The following BTC variants were observed in gnomAD, a reference collection of about 807,000 sequenced individuals.
BTC encodes betacellulin.
In BTC, 13 loss-of-function variants were observed where a neutral mutation model predicts 18.1. The observed-to-expected ratio is 0.72, with a 90% CI of 0.47 to 1.14. The LOEUF (loss-of-function observed/expected upper bound fraction) is 1.14, where lower values mean the gene tolerates loss of function less well. Among genes scored for constraint, BTC ranks in the 50% most tolerant of loss-of-function variants. The pLI, the probability that BTC is intolerant of heterozygous loss-of-function variation, is 0.00. For missense variants in BTC, 247 were observed against 224.2 expected (o/e 1.10, Z -0.65); for synonymous variants, 83 against 79.4 (o/e 1.05, Z -0.24).
intron 2 of BTC, among the ~76,000 whole-genome samples, chr4:74,760,689 C>A (rs1191938126): frequency 6.6e-6 from 1 of 151,014 alleles, no homozygotes; most frequent in Non-Finnish European, 1.5e-5. Flanking sequence ...CTAGAATTTG[C>A]TTATGTAGGA....
chr4:74,770,846 T>A (rs569002880), intron 1 of BTC, among the ~76,000 whole-genome samples: 1 of 151,850 alleles, frequency 6.6e-6, no homozygotes, highest in Non-Finnish European at 1.5e-5. Context: ...ATTAAAAAAT[T>A]GTTATAGATA....
At chr4:74,788,039 G>A (rs966914806) in intron 1 of BTC, among the ~76,000 whole-genome samples, 3 of 152,178 alleles carry the variant, frequency 2.0e-5, no homozygotes, top group African/African-American at 4.8e-5. Context: ...AAATTCCCCA[G>A]ATAGGAAACC....
At position 74,746,803 on chromosome 4, in the gene BTC, G is replaced by A. The variant is rs868944017; in HGVS notation, c.*2-128C>T. On this transcript the variant is annotated intron_variant, in intron 5 of 5. Coordinates refer to ENST00000395743, the MANE Select transcript of BTC (RefSeq NM_001729.4). The stretch of plus-strand genomic sequence containing the variant: ...ATAATGTTGTTTTTGTAATAAGTTA[G>A]GAGCACATATAATTTCTCGTCAAGC... 5.3e-5 allele frequency: 8 copies of A among 152,184 alleles called. 1 individual carries two copies. The highest frequency in any genetic ancestry group is 1.9e-4 in the African/African-American group (8 of 41,432). The allele number at this position is 152,184 out of a possible 1,614,324, so 9.4% of individuals were successfully genotyped here. A position where few individuals can be genotyped will look rare whatever the true frequency, so the allele number is the denominator to read the frequency against.
intron 1 of BTC, among the ~76,000 whole-genome samples, chr4:74,771,119 G>C (rs1004654811): frequency 6.6e-6 from 1 of 151,886 alleles, no homozygotes; most frequent in African/African-American, 2.4e-5. Context: ...TGTCCTCTCT[G>C]GTTCGTATAT....
intron 2 of BTC, among the ~76,000 whole-genome samples, chr4:74,767,359 G>C (rs756444287): frequency 6.6e-5 from 10 of 151,790 alleles, no homozygotes; most frequent in African/African-American, 2.4e-4. Context: ...AATAAAACAC[G>C]TAGGAATAAA....
Position 74,772,808 on chromosome 4 carries a change from C to T in BTC, c.65-2652G>A, listed in dbSNP as rs139493641. On this transcript the variant is annotated intron_variant, in intron 1 of 5. Transcript: ENST00000395743. Reference sequence around the variant, plus strand: ...ATATACAATTTGCAGTCCAGTTGCACGCCTTCTCACTATCACTTATAATTT... The same window carrying T: ...ATATACAATTTGCAGTCCAGTTGCATGCCTTCTCACTATCACTTATAATTT... 2.0e-4 allele frequency among the ~76,000 whole-genome samples: 31 copies of T among 152,296 alleles called. No individual in the cohort carries two copies. In the East Asian group the frequency reaches 2.7e-3, roughly 13 times the overall value.
At chr4:74,756,048 A>G in intron 2 of BTC, 72 bp from the exon 3 acceptor site, 2 of 1,272,258 alleles carry the variant, frequency 1.6e-6, no homozygotes, top group Non-Finnish European at 2.3e-6. Context: ...TCATATTCTT[A>G]TCTTGCTGCC....
At chr4:74,787,846 A>AT (rs765874148) in intron 1 of BTC, among the ~76,000 whole-genome samples, 47 of 152,134 alleles carry the variant, frequency 3.1e-4, no homozygotes, top group Non-Finnish European at 6.2e-4. Flanking sequence ...GGACCTCCTG[A>AT]TTACGAGCCA....
chr4:74,790,876 C>T (rs918663961), intron 1 of BTC, among the ~76,000 whole-genome samples: 12 of 152,086 alleles, frequency 7.9e-5, no homozygotes. Flanking sequence ...ATAGCCAGAG[C>T]CAGGGATGGC....
intron 2 of BTC, among the ~76,000 whole-genome samples, chr4:74,762,491 A>G (rs190394824): frequency 1.2e-4 from 18 of 152,338 alleles, no homozygotes; most frequent in Admixed American, 1.1e-3. Context: ...GATGGATGCT[A>G]TCTTTTTATT....
intron 1 of BTC, among the ~76,000 whole-genome samples, chr4:74,792,793 C>T (rs1725668401): frequency 6.6e-6 from 1 of 152,246 alleles, no homozygotes; most frequent in East Asian, 1.9e-4. Context: ...TTCGTGTCCT[C>T]CATTCAGCCT....
At position 74,770,131 on chromosome 4, in the gene BTC, C is replaced by A. The variant is rs1331386138; in HGVS notation, c.90G>T (p.Val30=). ...ALGLVILHCV[V]ADGNSTRSPE... ...GACTTCTGGTGGAATTCCCATCTGC[C>A]ACCACACAGTGAAGGATCACTAGAC... The change falls in exon 2 of 6, where the codon GTG becomes GTT. Residue 30 remains valine (V), a synonymous_variant. Transcript: ENST00000395743. 6.2e-7 allele frequency: 1 copy of A among 1,613,016 alleles called. No individual in the cohort carries two copies. Among genetic ancestry groups the A allele is most frequent in the South Asian group, 1.1e-5 (1 of 90,952 alleles).
At chr4:74,778,614 G>GA (rs749427399) in intron 1 of BTC, among the ~76,000 whole-genome samples, 14 of 151,890 alleles carry the variant, frequency 9.2e-5, no homozygotes, top group African/African-American at 3.1e-4. Context: ...CAGTCCAGTG[G>GA]AAAAAAAATG....
chr4:74,777,909 C>A (rs1306875365), intron 1 of BTC, among the ~76,000 whole-genome samples: 1 of 151,792 alleles, frequency 6.6e-6, no homozygotes, highest in Non-Finnish European at 1.5e-5. Context: ...GGAGTAAAAG[C>A]AATAAGCATT....
chr4:74,765,698 C>T (rs1724883264), intron 2 of BTC, among the ~76,000 whole-genome samples: 1 of 152,032 alleles, frequency 6.6e-6, no homozygotes, highest in Non-Finnish European at 1.5e-5. Context: ...ATCAAATTGT[C>T]AAAAGTTCAA....
At chr4:74,767,444 TA>T (rs1487554746) in intron 2 of BTC, among the ~76,000 whole-genome samples, 1 of 151,878 alleles carries the variant, frequency 6.6e-6, no homozygotes, top group African/African-American at 2.4e-5. Flanking sequence ...CAAAAATATA[TA>T]AAAAGACATC....
chr4:74,760,362 T>A (rs1379281784), intron 2 of BTC, among the ~76,000 whole-genome samples: 5 of 152,224 alleles, frequency 3.3e-5, no homozygotes, highest in African/African-American at 9.6e-5. Context: ...ATATAGGAAG[T>A]AGAGCCTAGG....
At chr4:74,749,192 T>C (rs1401265149) in intron 4 of BTC, among the ~76,000 whole-genome samples, 1 of 151,912 alleles carries the variant, frequency 6.6e-6, no homozygotes, top group Non-Finnish European at 1.5e-5. Flanking sequence ...CACTTTGGGA[T>C]GCCGAGGTAG....
intron 1 of BTC, among the ~76,000 whole-genome samples, chr4:74,774,757 G>C (rs937207552): frequency 6.6e-6 from 1 of 152,126 alleles, no homozygotes; most frequent in Non-Finnish European, 1.5e-5. Flanking sequence ...ATGCCATGTT[G>C]ATTAGTTGGG....
Sources: gnomAD v4.1 joint callset for allele counts (sites outside exome capture counted in the v4.1 genomes callset) on GRCh38, gnomAD v4.1.1 for gene constraint, MANE v1.5 for transcripts, NCBI Gene and HGNC (gene_info 2026-07-23, HGNC 2026-07-21) for gene names.